ARMC2: variants seen among roughly 807,000 people sequenced by gnomAD.
The protein encoded by ARMC2 is armadillo repeat containing 2.
ARMC2 carries 67 observed loss-of-function variants against 90.3 expected under a neutral mutation model. The ratio of observed to expected loss-of-function variants is 0.74; its 90% CI spans 0.61 to 0.91. The LOEUF (loss-of-function observed/expected upper bound fraction) is 0.91, where lower values mean the gene tolerates loss of function less well. ARMC2 is among the 40% of genes least tolerant of loss of function. ARMC2 has a pLI of 0.00. For missense variants in ARMC2, 920 were observed against 1,030.9 expected, an observed-to-expected ratio of 0.89 and a Z score of 1.47; for synonymous variants, 393 against 393.0, an observed-to-expected ratio of 1.00 and a Z score of 0.00.
intron 10 of ARMC2, among the ~76,000 whole-genome samples, chr6:108,926,246 G>A (rs959635207): frequency 2.0e-5 from 3 of 152,156 alleles, no homozygotes; most frequent in African/African-American, 7.2e-5. Flanking sequence ...GAGTTACACA[G>A]GCATCTGTAC....
chr6:109,009,460 T>G, the ARMC2 span: 6 of 1,304,312 alleles, frequency 4.6e-6, no homozygotes, highest in South Asian at 2.2e-5. Flanking sequence ...GCCAAGCGCA[T>G]GTCGGCGCGG....
At chr6:108,852,865 G>A (rs1774147513) in intron 1 of ARMC2, among the ~76,000 whole-genome samples, 1 of 152,122 alleles carries the variant, frequency 6.6e-6, no homozygotes, top group Admixed American at 6.5e-5. Flanking sequence ...GGCTGCTTAA[G>A]TTAGATGTTA....
chr6:109,023,130 T>A, the ARMC2 span, among the ~76,000 whole-genome samples: 1 of 152,208 alleles, frequency 6.6e-6, no homozygotes, highest in Admixed American at 6.5e-5. Flanking sequence ...ATAAAAATGT[T>A]CTATAACATC....
At chr6:108,975,877 G>T (rs533332875), downstream of ARMC2, among the ~76,000 whole-genome samples, 48 of 152,202 alleles carry the variant, frequency 3.2e-4, no homozygotes, top group African/African-American at 1.1e-3. Flanking sequence ...ATTTGTTTAA[G>T]TTCTTTGTTG....
the ARMC2 span, among the ~76,000 whole-genome samples, chr6:109,045,199 T>C: frequency 6.6e-6 from 1 of 152,128 alleles, no homozygotes; most frequent in Non-Finnish European, 1.5e-5. Flanking sequence ...TCTTGTCAAG[T>C]TCTGAATATT....
intron 6 of ARMC2, among the ~76,000 whole-genome samples, chr6:108,895,320 A>G (rs1432262918): frequency 6.6e-6 from 1 of 150,924 alleles, no homozygotes; most frequent in African/African-American, 2.4e-5. Context: ...TAATAATAAT[A>G]CAAAAATTAG....
the ARMC2 span, among the ~76,000 whole-genome samples, chr6:109,012,374 C>G: frequency 6.6e-6 from 1 of 151,286 alleles, no homozygotes; most frequent in African/African-American, 2.4e-5. Flanking sequence ...TATTTCCTTT[C>G]TTTTAAAAAG....
At chr6:109,027,476 CAAAAAAAAA>C in the ARMC2 span, among the ~76,000 whole-genome samples, 1 of 27,326 alleles carries the variant, frequency 3.7e-5, no homozygotes, top group Non-Finnish European at 7.7e-5. Flanking sequence ...GACTCTGTCT[CAAAAAAAAA>C]AAAAAAAAAA....
At chr6:108,884,198 TAGA>T (rs1330989859) in intron 5 of ARMC2, among the ~76,000 whole-genome samples, 1 of 151,806 alleles carries the variant, frequency 6.6e-6, no homozygotes, top group Non-Finnish European at 1.5e-5. Context: ...GGTTGAGAGA[TAGA>T]AGAGTGGACC....
At chr6:108,945,225 C>T (rs970354748) in intron 12 of ARMC2, among the ~76,000 whole-genome samples, 1 of 152,030 alleles carries the variant, frequency 6.6e-6, no homozygotes, top group Admixed American at 6.6e-5. Context: ...GGAGGCAGAG[C>T]CTGCCTCAGG....
At chr6:109,000,921 C>T in the ARMC2 span, among the ~76,000 whole-genome samples, 1 of 152,174 alleles carries the variant, frequency 6.6e-6, no homozygotes, top group East Asian at 1.9e-4. Flanking sequence ...TATCTATATA[C>T]TTTCAGAACT....
intron 8 of ARMC2, among the ~76,000 whole-genome samples, chr6:108,906,101 C>G (rs1772662912): frequency 6.6e-6 from 1 of 152,194 alleles, no homozygotes; most frequent in Non-Finnish European, 1.5e-5. Flanking sequence ...TTGGCAAATA[C>G]TGGCAAATGA....
chr6:108,881,789 G>A lies in ARMC2; in HGVS notation c.671+5439G>A, dbSNP rs115592179. On this transcript the variant is annotated intron_variant, in intron 5 of 17. Coordinates refer to ENST00000392644, the MANE Select transcript of ARMC2 (RefSeq NM_032131.6). ...AAAGGGCTTTTGTGTGCATCACAGC[G>A]ACCTGCTCCACACAAACCAAGGGAA... 4.2e-3 allele frequency among the ~76,000 whole-genome samples: 634 copies of A among 152,160 alleles called. 3 individuals carry two copies. The highest frequency in any genetic ancestry group is 0.014 in the African/African-American group (593 of 41,484).
intron 7 of ARMC2, among the ~76,000 whole-genome samples, chr6:108,902,933 T>C (rs1362218380): frequency 6.6e-6 from 1 of 152,116 alleles, no homozygotes; most frequent in East Asian, 1.9e-4. Context: ...TTTGGGAGGC[T>C]GAGGCAAGCA....
chr6:108,885,659 G>T (rs931206492), intron 5 of ARMC2, among the ~76,000 whole-genome samples: 1 of 150,904 alleles, frequency 6.6e-6, no homozygotes, highest in Non-Finnish European at 1.5e-5. Context: ...GGGTGACAGA[G>T]TGAGACTCTG....
Position 108,940,354 on chromosome 6 carries a change from C to A in ARMC2, c.1596+3355C>A, listed in dbSNP as rs115701555. Reference sequence around the variant, plus strand: ...GAGAGGAGAACAGCTCTCTCTCCTGCGCGTGAGAGAGGCACCCAAGTGGAA... The same window carrying A: ...GAGAGGAGAACAGCTCTCTCTCCTGAGCGTGAGAGAGGCACCCAAGTGGAA... On this transcript the variant is annotated intron_variant, in intron 12 of 17. Transcript: ENST00000392644. 6.6e-5 allele frequency among the ~76,000 whole-genome samples: 10 copies of A among 152,220 alleles called. No individual in the cohort carries two copies. In the East Asian group the frequency reaches 1.9e-3, roughly 29 times the overall value.
chr6:108,964,069 G>A, intron 15 of ARMC2, 111 bp from the exon 16 acceptor site: 1 of 1,181,596 alleles, frequency 8.5e-7, no homozygotes, highest in Non-Finnish European at 1.2e-6. Context: ...TCCCTTAACA[G>A]GGGTTCTGGG....
intron 12 of ARMC2, among the ~76,000 whole-genome samples, chr6:108,947,765 G>C (rs1380570419): frequency 2.0e-5 from 3 of 151,754 alleles, no homozygotes; most frequent in Non-Finnish European, 2.9e-5. Context: ...TTGCTAGGCT[G>C]ATTCTGTTTT....
chr6:108,991,181 C>G, the ARMC2 span, among the ~76,000 whole-genome samples: 1 of 152,126 alleles, frequency 6.6e-6, no homozygotes, highest in Non-Finnish European at 1.5e-5. Context: ...TGGGAGTCCC[C>G]TCTCCTTTTC....
Sources: allele counts gnomAD v4.1 joint callset (sites outside exome capture counted in the v4.1 genomes callset), GRCh38; gene constraint gnomAD v4.1.1; transcripts MANE v1.5; gene names NCBI Gene and HGNC (gene_info 2026-07-23, HGNC 2026-07-21).